The following CLVS2 variants were observed in gnomAD, a reference collection of about 807,000 sequenced individuals.
CLVS2 encodes clavesin 2, also known as clavesin-2.
Under a neutral mutation model 29.0 loss-of-function variants are expected in CLVS2, and 19 were observed. The ratio of observed to expected loss-of-function variants is 0.66; its 90% CI spans 0.46 to 0.96. The LOEUF is 0.96. Among genes scored for constraint, CLVS2 ranks in the 40% least tolerant of loss-of-function variants. The pLI, the probability that CLVS2 is intolerant of heterozygous loss-of-function variation, is 0.00. For missense variants in CLVS2, 294 were observed against 404.1 expected, an observed-to-expected ratio of 0.73 and a Z score of 2.34; for synonymous variants, 161 against 151.3, an observed-to-expected ratio of 1.06 and a Z score of -0.47.
intron 3 of CLVS2, among the ~76,000 whole-genome samples, chr6:123,032,248 A>T (rs7761708): frequency 0.31 from 47,084 of 151,844 alleles, 8,206 homozygotes; most frequent in East Asian, 0.7. Context: ...CTTTGAAATA[A>T]TTGATATGAT....
At chr6:123,000,255 A>G (rs1774572616) in intron 2 of CLVS2, among the ~76,000 whole-genome samples, 1 of 152,194 alleles carries the variant, frequency 6.6e-6, no homozygotes, top group Non-Finnish European at 1.5e-5. Context: ...TCAAGGTGAA[A>G]AGGTATACAA....
chr6:123,064,304 A>G lies in CLVS2; in HGVS notation c.*543A>G, dbSNP rs757896724. On this transcript the variant is annotated 3_prime_UTR_variant, in exon 6 of 6. Transcript: ENST00000275162. The stretch of plus-strand genomic sequence containing the variant: ...TTTTCATTTCAGAGAAATGTGTCTT[A>G]GTAACTATCATTGGCCTTGCATTTT... The G allele has an allele frequency of 6.6e-6, 1 of 152,144 alleles. No homozygotes were observed. Among genetic ancestry groups the G allele is most frequent in the Non-Finnish European group, 1.5e-5 (1 of 68,022 alleles). 9.4% of individuals were successfully genotyped at this position (152,144 alleles called of 1,614,324 possible).
At position 122,997,999 on chromosome 6, in the gene CLVS2, G is replaced by A. The variant is rs1195809943; in HGVS notation, c.222G>A (p.Gln74=). 3 of 1,614,192 alleles carry A rather than the reference G, an allele frequency of 1.9e-6. No homozygotes were observed. In the South Asian group the frequency reaches 3.3e-5, roughly 18 times the overall value. ...HHFEAFRLLA[Q]YFEYRQQNLD... is the part of the protein sequence containing the mutation. ...TTGAGGCCTTCCGCCTCCTGGCGCA[G>A]TACTTTGAGTACCGGCAGCAGAACC... is the stretch of plus-strand genomic sequence containing the variant. Residue 74 remains glutamine, a synonymous_variant, in exon 2 of 6, where the codon CAG becomes CAA. Transcript: ENST00000275162.
intron 3 of CLVS2, among the ~76,000 whole-genome samples, chr6:123,028,395 C>T (rs1310904187): frequency 6.6e-6 from 1 of 152,166 alleles, no homozygotes; most frequent in African/African-American, 2.4e-5. Flanking sequence ...CACGGTGGCT[C>T]ATGCCTGTAA....
At chr6:123,051,215 C>G (rs1007775661) in intron 4 of CLVS2, among the ~76,000 whole-genome samples, 6 of 152,030 alleles carry the variant, frequency 3.9e-5, no homozygotes, top group Admixed American at 3.3e-4. Context: ...GAATCTTTTT[C>G]TACAAACTCA....
chr6:123,015,101 A>G (rs1774807859), intron 3 of CLVS2, among the ~76,000 whole-genome samples: 1 of 152,056 alleles, frequency 6.6e-6, no homozygotes, highest in Non-Finnish European at 1.5e-5. Flanking sequence ...AGTACTCTGA[A>G]CAAACATGCA....
chr6:123,061,873 A>T (rs1326510936), intron 5 of CLVS2, among the ~76,000 whole-genome samples: 1 of 152,050 alleles, frequency 6.6e-6, no homozygotes, highest in Non-Finnish European at 1.5e-5. Context: ...ATATTTATAT[A>T]TTTAATTTTA....
chr6:122,997,814 C>G lies in CLVS2; in HGVS notation c.37C>G (p.Leu13Val), dbSNP rs1298769762. 15 of 1,614,130 alleles carry G rather than the reference C, an allele frequency of 9.3e-6. No individual in the cohort carries two copies. Among genetic ancestry groups the G allele is most frequent in the Non-Finnish European group, 1.3e-5 (15 of 1,180,018 alleles). The change falls in exon 2 of 6, where the codon CTG becomes GTG. Residue 13 changes from leucine (L) to valine (V), a missense_variant. Leu to Val is a conservative substitution (Grantham distance 32). Coordinates refer to ENST00000275162, the MANE Select transcript of CLVS2 (RefSeq NM_001010852.4). ...HLQAGLSPET[L>V]EKARLELNEN... is the part of the protein sequence containing the mutation. The stretch of plus-strand genomic sequence containing the variant: ...GCAAGCCGGTCTCTCCCCTGAGACC[C>G]TGGAGAAAGCTCGCCTGGAGCTCAA...
At chr6:123,016,652 G>A (rs1410034452) in intron 3 of CLVS2, among the ~76,000 whole-genome samples, 1 of 152,052 alleles carries the variant, frequency 6.6e-6, no homozygotes, top group Non-Finnish European at 1.5e-5. Context: ...GGATTGAATA[G>A]CTCTTTGAAT....
At chr6:123,018,325 A>G (rs1447820143) in intron 3 of CLVS2, among the ~76,000 whole-genome samples, 1 of 152,038 alleles carries the variant, frequency 6.6e-6, no homozygotes. Context: ...TTCTCTCTTC[A>G]GATCAAAACT....
chr6:123,062,403 A>C (rs1772791657), intron 5 of CLVS2, among the ~76,000 whole-genome samples: 1 of 151,886 alleles, frequency 6.6e-6, no homozygotes, highest in Admixed American at 6.6e-5. Flanking sequence ...TCCTATTCTT[A>C]TATTCATATC....
chr6:123,057,975 A>G (rs184985415), intron 5 of CLVS2, among the ~76,000 whole-genome samples: 8 of 152,298 alleles, frequency 5.3e-5, no homozygotes, highest in South Asian at 2.1e-4. Flanking sequence ...TGTCATGCAT[A>G]TATTTTCTGG....
chr6:122,997,639 A>G lies in CLVS2; in HGVS notation c.-139A>G, dbSNP rs181101805. Reference sequence around the variant, plus strand: ...CAACAGGGCACTTGATTGGACACCAAGATTATTAATTTCCTGTAGGGGAGA... The same window carrying G: ...CAACAGGGCACTTGATTGGACACCAGGATTATTAATTTCCTGTAGGGGAGA... On this transcript the variant is annotated 5_prime_UTR_variant, in exon 2 of 6. Transcript: ENST00000275162. The G allele has an allele frequency of 8.2e-5, 69 of 839,514 alleles. No individual in the cohort carries two copies. Among genetic ancestry groups the G allele is most frequent in the Non-Finnish European group, 1.2e-4 (64 of 528,186 alleles). The allele number at this position is 839,514 out of a possible 1,614,324, so 52.0% of individuals were successfully genotyped here.
intron 3 of CLVS2, among the ~76,000 whole-genome samples, chr6:123,038,994 T>G (rs1775191996): frequency 6.6e-6 from 1 of 152,182 alleles, no homozygotes; most frequent in Non-Finnish European, 1.5e-5. Context: ...TGGCCCCTCC[T>G]CAGAATATGA....
chr6:123,000,899 C>G (rs577070496), intron 2 of CLVS2, among the ~76,000 whole-genome samples: 1 of 152,094 alleles, frequency 6.6e-6, no homozygotes, highest in African/African-American at 2.4e-5. Context: ...AGAAATGAGG[C>G]GGAAGAAAAT....
intron 3 of CLVS2, among the ~76,000 whole-genome samples, chr6:123,028,466 C>T (rs1466180818): frequency 6.6e-6 from 1 of 152,134 alleles, no homozygotes; most frequent in Non-Finnish European, 1.5e-5. Context: ...CCGAGACCAG[C>T]CTGGGCAGCA....
At chr6:123,012,251 T>G (rs1774759429) in intron 3 of CLVS2, among the ~76,000 whole-genome samples, 1 of 152,038 alleles carries the variant, frequency 6.6e-6, no homozygotes, top group Admixed American at 6.6e-5. Context: ...AGATAATGCA[T>G]GTTTGGAAAT....
chr6:123,070,600 A>C lies in CLVS2; in HGVS notation c.*6839A>C, dbSNP rs966330658. 6.6e-6 allele frequency: 1 copy of C among 152,014 alleles called. No homozygotes were observed. Among genetic ancestry groups the C allele is most frequent in the Non-Finnish European group, 1.5e-5 (1 of 67,942 alleles). 9.4% of individuals were successfully genotyped at this position (152,014 alleles called of 1,614,324 possible). On this transcript the variant is annotated 3_prime_UTR_variant, in exon 6 of 6. Coordinates refer to ENST00000275162, the MANE Select transcript of CLVS2 (RefSeq NM_001010852.4). ...TGAAAGAGTAAAAGCCGATGTCTTT[A>C]TATCAGTGTATGAGAAGTCTTGATA...
chr6:123,041,506 A>T (rs900684844), intron 3 of CLVS2, among the ~76,000 whole-genome samples: 2 of 152,204 alleles, frequency 1.3e-5, no homozygotes, highest in African/African-American at 4.8e-5. Flanking sequence ...TCAGACAGAA[A>T]TGAAACAGAG....
Sources: gnomAD v4.1 joint callset for allele counts (sites outside exome capture counted in the v4.1 genomes callset) on GRCh38, gnomAD v4.1.1 for gene constraint, MANE v1.5 for transcripts, NCBI Gene and HGNC (gene_info 2026-07-23, HGNC 2026-07-21) for gene names.